CDH13: variants seen among roughly 807,000 people sequenced by gnomAD.
CDH13 encodes the protein cadherin-13.
Under a neutral mutation model 63.8 loss-of-function variants are expected in CDH13, and 24 were observed. The observed-to-expected ratio is 0.38, with a 90% CI of 0.27 to 0.53. The LOEUF (loss-of-function observed/expected upper bound fraction) is 0.53, where lower values mean the gene tolerates loss of function less well. Among genes scored for constraint, CDH13 ranks in the 20% least tolerant of loss-of-function variants. The probability of loss-of-function intolerance (pLI) is 0.85; values close to 1 mark genes in which losing one functional copy is unlikely to be tolerated. For synonymous variants in CDH13, 503 were observed against 355.3 expected (o/e 1.42, Z -4.67); for missense variants, 1,049 against 903.1 (o/e 1.16, Z -2.07).
rs910656593 is a variant in CDH13 at position 82,815,871 on chromosome 16, A to G, written c.46-42491A>G. Among the ~76,000 whole-genome samples the G allele has an allele frequency of 2.0e-5, 3 of 152,348 alleles. No homozygotes were observed. The East Asian group carries it at 5.8e-4, about 29-fold the overall frequency. ...CTTTTAATTTAATTATAGGCACTTT[A>G]ACACCACAGATGACTGTTGGGGAAA... is the stretch of plus-strand genomic sequence containing the variant. On this transcript the variant is annotated intron_variant, in intron 1 of 13. Transcript: ENST00000567109.
chr16:83,557,647 T>C lies in CDH13; in HGVS notation c.961-44807T>C, dbSNP rs534727965. Among the ~76,000 whole-genome samples, 14 of 152,260 alleles carry C rather than the reference T, an allele frequency of 9.2e-5. No individual in the cohort carries two copies. The South Asian group carries it at 1.0e-3, about 11-fold the overall frequency. On this transcript the variant is annotated intron_variant, in intron 7 of 13. Coordinates refer to ENST00000567109, the MANE Select transcript of CDH13 (RefSeq NM_001257.5). ...TTGCCCTTTGTTATAGGAAATGCCC[T>C]GGAGTTGAGTCTGGGAGGTACTGGG...
intron 1 of CDH13, among the ~76,000 whole-genome samples, chr16:82,711,838 T>C (rs1487041457): frequency 6.6e-6 from 1 of 152,230 alleles, no homozygotes; most frequent in Non-Finnish European, 1.5e-5. Flanking sequence ...CGAGGACTTG[T>C]TTAATCTTCA....
chr16:83,795,025 C>A lies in CDH13; in HGVS notation c.2137C>A (p.Leu713Met). 6.3e-7 allele frequency: 1 copy of A among 1,594,256 alleles called. No homozygotes were observed. The highest frequency in any genetic ancestry group is 1.1e-5 in the South Asian group (1 of 87,400). The change falls in exon 14 of 14, where the codon CTG becomes ATG. Residue 713 changes from leucine to methionine, a missense_variant and splice_region_variant. Coordinates refer to ENST00000567109, the MANE Select transcript of CDH13 (RefSeq NM_001257.5). ...AACTCTGAACCCTCTCTATTCAGGT[C>A]TGTGAGAACTCCTGACGTCTGAAGC... ...LLLSLFSLAC[L>M]
chr16:82,804,845 T>C (rs949018392), intron 1 of CDH13, among the ~76,000 whole-genome samples: 4 of 152,184 alleles, frequency 2.6e-5, no homozygotes, highest in Admixed American at 6.5e-5. Flanking sequence ...TATTAAGAAA[T>C]TTAGAGAAAT....
chr16:83,326,614 T>G (rs2090368582), intron 5 of CDH13, among the ~76,000 whole-genome samples: 1 of 152,060 alleles, frequency 6.6e-6, no homozygotes, highest in African/African-American at 2.4e-5. Flanking sequence ...GTGGCATGCT[T>G]GCTGTGCCCT....
intron 7 of CDH13, among the ~76,000 whole-genome samples, chr16:83,495,422 C>T (rs974469632): frequency 1.3e-5 from 2 of 152,072 alleles, no homozygotes; most frequent in African/African-American, 4.8e-5. Flanking sequence ...GAGGTTCTTA[C>T]TATGTAGACG....
intron 11 of CDH13, among the ~76,000 whole-genome samples, chr16:83,752,945 T>A (rs942515077): frequency 3.3e-5 from 5 of 152,194 alleles, no homozygotes; most frequent in African/African-American, 1.2e-4. Flanking sequence ...CCACTTGTTG[T>A]CTAACTCTGT....
intron 1 of CDH13, among the ~76,000 whole-genome samples, chr16:82,650,229 T>A (rs1474090898): frequency 6.6e-6 from 1 of 152,112 alleles, no homozygotes; most frequent in Non-Finnish European, 1.5e-5. Flanking sequence ...GTACGTGAGG[T>A]TGCATTTTTT....
chr16:83,160,675 G>A (rs1411912697), intron 4 of CDH13, among the ~76,000 whole-genome samples: 1 of 152,096 alleles, frequency 6.6e-6, no homozygotes. Context: ...CTGATCTGGA[G>A]GGAAAGAAAA....
At chr16:82,794,320 G>A (rs2036473296) in intron 1 of CDH13, among the ~76,000 whole-genome samples, 1 of 133,438 alleles carries the variant, frequency 7.5e-6, no homozygotes, top group African/African-American at 2.5e-5. Context: ...AAACTCGCCA[G>A]CTCTGCAAAA....
intron 4 of CDH13, among the ~76,000 whole-genome samples, chr16:83,126,937 GA>G (rs2035837849): frequency 6.6e-6 from 1 of 152,206 alleles, no homozygotes; most frequent in East Asian, 1.9e-4. Context: ...GGGATGATGT[GA>G]AAAAAAGAGC....
chr16:82,720,958 T>A (rs766504824), intron 1 of CDH13, among the ~76,000 whole-genome samples: 1 of 152,168 alleles, frequency 6.6e-6, no homozygotes, highest in Admixed American at 6.5e-5. Context: ...GGAGAAGGGA[T>A]CAAGAACCTG....
intron 3 of CDH13, among the ~76,000 whole-genome samples, chr16:83,110,304 C>T (rs530342303): frequency 6.6e-6 from 1 of 152,192 alleles, no homozygotes; most frequent in African/African-American, 2.4e-5. Flanking sequence ...GCATGTCTGT[C>T]TTTCAAAATG....
At chr16:83,084,771 C>G (rs1431992479) in intron 3 of CDH13, among the ~76,000 whole-genome samples, 2 of 152,066 alleles carry the variant, frequency 1.3e-5, no homozygotes, top group Non-Finnish European at 2.9e-5. Context: ...ACCTGTAATC[C>G]CAGCTACTCA....
chr16:82,684,663 TA>T (rs2150965704), intron 1 of CDH13, among the ~76,000 whole-genome samples: 1 of 152,150 alleles, frequency 6.6e-6, no homozygotes, highest in African/African-American at 2.4e-5. Context: ...ACTGGTTCCA[TA>T]GCATGGAACT....
chr16:82,985,705 A>G (rs986830016), intron 2 of CDH13, among the ~76,000 whole-genome samples: 1 of 152,174 alleles, frequency 6.6e-6, no homozygotes, highest in South Asian at 2.1e-4. Flanking sequence ...GTCCCCATCC[A>G]AATTTCATGT....
intron 8 of CDH13, among the ~76,000 whole-genome samples, chr16:83,624,999 T>C (rs1483001453): frequency 1.3e-5 from 2 of 152,162 alleles, no homozygotes; most frequent in Admixed American, 6.5e-5. Context: ...TGCGGTGATA[T>C]CGAGTACATA....
At chr16:83,461,586 G>C (rs1035432677) in intron 6 of CDH13, among the ~76,000 whole-genome samples, 3 of 152,142 alleles carry the variant, frequency 2.0e-5, no homozygotes, top group Non-Finnish European at 4.4e-5. Context: ...AGTTCAAAAG[G>C]AGCCTTCTGT....
chr16:83,757,196 A>G (rs1444872982), intron 11 of CDH13, among the ~76,000 whole-genome samples: 1 of 152,254 alleles, frequency 6.6e-6, no homozygotes, highest in Non-Finnish European at 1.5e-5. Flanking sequence ...CAAAAATAGA[A>G]ATATGAAATG....
Sources: gnomAD v4.1 joint callset for allele counts (sites outside exome capture counted in the v4.1 genomes callset) on GRCh38, gnomAD v4.1.1 for gene constraint, MANE v1.5 for transcripts, NCBI Gene and HGNC (gene_info 2026-07-23, HGNC 2026-07-21) for gene names.